SNX8: variants seen among roughly 807,000 people sequenced by gnomAD.
SNX8 encodes the protein sorting nexin 8, also known as sorting nexin-8.
SNX8 carries 25 observed loss-of-function variants against 51.6 expected under a neutral mutation model. That is an observed-to-expected ratio of 0.48 (90% CI 0.35 to 0.68). The LOEUF is 0.68. Among genes scored for constraint, SNX8 ranks in the 30% least tolerant of loss-of-function variants. The probability of loss-of-function intolerance (pLI) is 0.00; values close to 1 mark genes in which losing one functional copy is unlikely to be tolerated. For missense variants in SNX8, 695 were observed against 624.0 expected (o/e 1.11, Z -1.21); for synonymous variants, 324 against 277.0 (o/e 1.17, Z -1.68).
intron 1 of SNX8, among the ~76,000 whole-genome samples, chr7:2,326,841 C>A (rs1299724146): frequency 6.6e-6 from 1 of 152,040 alleles, no homozygotes; most frequent in Non-Finnish European, 1.5e-5. Context: ...CACAGTGGCT[C>A]ACACCTATAA....
At chr7:2,260,582 C>A (rs1217458539) in intron 7 of SNX8, among the ~76,000 whole-genome samples, 2 of 152,126 alleles carry the variant, frequency 1.3e-5, no homozygotes, top group African/African-American at 4.8e-5. Context: ...TGGGATATGG[C>A]TACCTTCAGC....
intron 1 of SNX8, among the ~76,000 whole-genome samples, chr7:2,333,792 C>T (rs559070034): frequency 6.6e-5 from 10 of 152,314 alleles, no homozygotes; most frequent in Non-Finnish European, 1.3e-4. Context: ...AACCTCAATT[C>T]TTCCCGGATA....
At chr7:2,309,245 A>G (rs1023245371) in intron 1 of SNX8, among the ~76,000 whole-genome samples, 1 of 151,744 alleles carries the variant, frequency 6.6e-6, no homozygotes, top group Admixed American at 6.6e-5. Flanking sequence ...AAATAGGCCC[A>G]GTGGGGTGGA....
At position 2,254,901 on chromosome 7, in the gene SNX8, G is replaced by A. The variant is rs1009164567; in HGVS notation, c.*155C>T. ...AGCTGCCCCCATGGTCCACGGATGC[G>A]CCTCCCGACCCGCAGGCGTGAGCTC... On this transcript the variant is annotated 3_prime_UTR_variant, in exon 11 of 11. Transcript: ENST00000222990. 20 of 646,350 alleles carry A rather than the reference G, an allele frequency of 3.1e-5. No homozygotes were observed. Among genetic ancestry groups the A allele is most frequent in the Admixed American group, 1.3e-4 (6 of 45,116 alleles). The allele number at this position is 646,350 out of a possible 1,614,324, so 40.0% of individuals were successfully genotyped here.
chr7:2,341,907 A>G (rs1337802038), intron 1 of SNX8, among the ~76,000 whole-genome samples: 3 of 152,054 alleles, frequency 2.0e-5, no homozygotes, highest in Non-Finnish European at 4.4e-5. Flanking sequence ...CAGGAGTTGG[A>G]GGTTGCAGTG....
chr7:2,290,438 A>T (rs1269858888), intron 1 of SNX8, among the ~76,000 whole-genome samples: 1 of 151,836 alleles, frequency 6.6e-6, no homozygotes, highest in African/African-American at 2.4e-5. Flanking sequence ...CAGGAGGTAG[A>T]AGTTGCAGTG....
chr7:2,304,293 C>G (rs973225029), intron 1 of SNX8, among the ~76,000 whole-genome samples: 1 of 152,130 alleles, frequency 6.6e-6, no homozygotes, highest in South Asian at 2.1e-4. Context: ...GCCTGGAATC[C>G]CAGCACTTTG....
At chr7:2,276,563 C>T (rs947402851) in intron 2 of SNX8, among the ~76,000 whole-genome samples, 8 of 148,940 alleles carry the variant, frequency 5.4e-5, no homozygotes, top group African/African-American at 2.5e-5. Flanking sequence ...AGCACTTTGG[C>T]GGGCCAAAGT....
At chr7:2,316,984 C>T (rs1169155613), upstream of SNX8, among the ~76,000 whole-genome samples, 1 of 152,152 alleles carries the variant, frequency 6.6e-6, no homozygotes, top group Admixed American at 6.6e-5. Context: ...TGTTCCAAAA[C>T]GGGAGCAAGG....
intron 5 of SNX8, among the ~76,000 whole-genome samples, chr7:2,268,512 C>G (rs1795546810): frequency 6.8e-6 from 1 of 146,362 alleles, no homozygotes; most frequent in East Asian, 2.1e-4. Context: ...GGGGTCAGCC[C>G]CCCCGCCCGG....
At chr7:2,275,906 G>A (rs1190756137) in intron 2 of SNX8, among the ~76,000 whole-genome samples, 1 of 151,804 alleles carries the variant, frequency 6.6e-6, no homozygotes, top group African/African-American at 2.4e-5. Context: ...GCTGAGGCAG[G>A]AGAATGGCGT....
chr7:2,303,436 C>G (rs550859494), intron 1 of SNX8, among the ~76,000 whole-genome samples: 4 of 152,220 alleles, frequency 2.6e-5, no homozygotes, highest in African/African-American at 4.8e-5. Context: ...GCCCGGCCAC[C>G]ACCCCGTCTG....
intron 1 of SNX8, among the ~76,000 whole-genome samples, chr7:2,287,289 G>C (rs1270532382): frequency 6.7e-6 from 1 of 149,316 alleles, no homozygotes. Flanking sequence ...AATATTAAAA[G>C]TGATTATTGT....
intron 1 of SNX8, among the ~76,000 whole-genome samples, chr7:2,311,709 G>A (rs866917639): frequency 4.5e-4 from 68 of 152,120 alleles, no homozygotes; most frequent in African/African-American, 1.4e-3. Context: ...AGGCCGAGGC[G>A]GCTAGATCAC....
At chr7:2,297,196 A>G (rs191871587) in intron 1 of SNX8, among the ~76,000 whole-genome samples, 1,831 of 151,986 alleles carry the variant, frequency 0.012, 28 homozygotes, top group South Asian at 0.021. Flanking sequence ...CTAAAGGCAC[A>G]TCTACCATTC....
upstream of SNX8, among the ~76,000 whole-genome samples, chr7:2,316,558 C>G (rs1584735767): frequency 6.6e-6 from 1 of 150,996 alleles, no homozygotes; most frequent in South Asian, 2.1e-4. Flanking sequence ...CACAACCACT[C>G]ACTCACTGCA....
intron 1 of SNX8, among the ~76,000 whole-genome samples, chr7:2,282,699 G>A (rs950312406): frequency 1.1e-4 from 16 of 152,148 alleles, no homozygotes; most frequent in East Asian, 3.9e-4. Flanking sequence ...AGGATTGGCC[G>A]GGCGCAGTGG....
At chr7:2,256,848 C>T (rs1240520626) in intron 10 of SNX8, 26 bp downstream of exon 10, 3 of 1,595,418 alleles carry the variant, frequency 1.9e-6, no homozygotes, top group Non-Finnish European at 8.6e-7. Context: ...GTGGCCGAGA[C>T]GGCGGCCGGA....
rs542791701 is a variant in SNX8, at chr7:2,298,349, C to T, written c.94+15979G>A. 2.3e-3 allele frequency among the ~76,000 whole-genome samples: 349 copies of T among 151,990 alleles called. 2 individuals are homozygous for T. The highest frequency in any genetic ancestry group is 3.8e-3 in the Non-Finnish European group (256 of 67,968). ...GCCCAGGCTCTGAACTTTTCTTTTT[C>T]GTTTTATTTTTGGTTTGGGTTGTTT... On this transcript the variant is annotated intron_variant, in intron 1 of 10. Transcript: ENST00000222990.
Sources: gnomAD v4.1 joint callset for allele counts (sites outside exome capture counted in the v4.1 genomes callset) on GRCh38, gnomAD v4.1.1 for gene constraint, MANE v1.5 for transcripts, NCBI Gene and HGNC (gene_info 2026-07-23, HGNC 2026-07-21) for gene names.